Variants in LCORL observed in about 807,000 individuals in gnomAD.
LCORL encodes ligand dependent nuclear receptor corepressor like.
LCORL carries 41 observed loss-of-function variants against 141.8 expected under a neutral mutation model. That is an observed-to-expected ratio of 0.29 (90% confidence interval 0.23 to 0.38). The LOEUF is 0.38. Among genes scored for constraint, LCORL ranks in the 10% least tolerant of loss-of-function variants. The pLI is 1.00. For missense variants in LCORL, 1,759 were observed against 2,035.0 expected (o/e 0.86, Z 2.61); for synonymous variants, 618 against 694.1 (o/e 0.89, Z 1.72).
At chr4:17,848,671 A>G (rs951689964) in intron 7 of LCORL, among the ~76,000 whole-genome samples, 1 of 152,256 alleles carries the variant, frequency 6.6e-6, no homozygotes, top group African/African-American at 2.4e-5. Flanking sequence ...AGTGCCAGAC[A>G]GTGGGCGCAG....
intron 1 of LCORL, among the ~76,000 whole-genome samples, chr4:18,003,347 G>A (rs1172831050): frequency 6.6e-6 from 1 of 152,196 alleles, no homozygotes; most frequent in Non-Finnish European, 1.5e-5. Flanking sequence ...ATGGGTTTAA[G>A]ATATATTTGA....
intron 1 of LCORL, among the ~76,000 whole-genome samples, chr4:18,010,135 A>C (rs1327741536): frequency 6.6e-6 from 1 of 152,226 alleles, no homozygotes; most frequent in East Asian, 1.9e-4. Context: ...CCATGTAAAC[A>C]GTGCTCTATT....
intron 2 of LCORL, among the ~76,000 whole-genome samples, chr4:17,968,886 G>A (rs988504730): frequency 6.6e-6 from 1 of 152,196 alleles, no homozygotes; most frequent in South Asian, 2.1e-4. Context: ...CCCACATGCT[G>A]TAACTTGCAA....
At chr4:17,849,341 A>G (rs1412875559) in intron 7 of LCORL, among the ~76,000 whole-genome samples, 3 of 152,132 alleles carry the variant, frequency 2.0e-5, no homozygotes, top group African/African-American at 4.8e-5. Context: ...CCAGAGGAAC[A>G]ATCAGACAGC....
At chr4:17,995,807 G>A (rs1720828823) in intron 1 of LCORL, among the ~76,000 whole-genome samples, 1 of 152,062 alleles carries the variant, frequency 6.6e-6, no homozygotes, top group Non-Finnish European at 1.5e-5. Flanking sequence ...GCCCTCTCAT[G>A]AAATATAGAA....
At chr4:17,912,177 T>G (rs774812879) in intron 4 of LCORL, 11 of 999,148 alleles carry the variant, frequency 1.1e-5, no homozygotes, top group Non-Finnish European at 1.7e-5. Context: ...CCCGTCTTGC[T>G]GCTGATGACT....
intron 4 of LCORL, among the ~76,000 whole-genome samples, chr4:17,931,512 T>C (rs1736035686): frequency 6.6e-6 from 1 of 152,028 alleles, no homozygotes; most frequent in South Asian, 2.1e-4. Context: ...TATATGTAGT[T>C]TTTTTGTCAT....
intron 4 of LCORL, among the ~76,000 whole-genome samples, chr4:17,948,678 G>T (rs1047952689): frequency 6.6e-6 from 1 of 151,886 alleles, no homozygotes; most frequent in Non-Finnish European, 1.5e-5. Flanking sequence ...TTAAAAGGAG[G>T]CTGAGAATTG....
rs899149359 is a variant in LCORL, at chr4:17,873,292, CTAAT to C, written c.5602+92_5602+95del. 6.0e-5 allele frequency: 48 copies of C among 802,942 alleles called. No individual in the cohort carries two copies. The African/African-American group carries it at 6.9e-4, about 12-fold the overall frequency. 49.7% of individuals were successfully genotyped at this position (802,942 alleles called of 1,614,324 possible). A position where few individuals can be genotyped will look rare whatever the true frequency, so the allele number is the denominator to read the frequency against. On this transcript the variant is annotated intron_variant, in intron 7 of 7. Transcript: ENST00000635767. ...TTAGGTTGTCCAAATATTTTGGAAA[CTAAT>C]TAAAACTGCATCAGCTGTTCCTTTT...
chr4:17,920,540 A>C (rs373751007), intron 4 of LCORL, among the ~76,000 whole-genome samples: 11 of 152,226 alleles, frequency 7.2e-5, no homozygotes, highest in African/African-American at 2.6e-4. Flanking sequence ...GACAACAATG[A>C]AATTTGCCCA....
intron 7 of LCORL, among the ~76,000 whole-genome samples, chr4:17,862,454 T>C (rs113403154): frequency 0.019 from 2,842 of 152,182 alleles, 87 homozygotes; most frequent in African/African-American, 0.062. Flanking sequence ...AAGATGAAAT[T>C]TGAGTGGGGA....
In LCORL at chr4:17,884,157, G is replaced by A. The variant is rs1727972973; in HGVS notation, c.776+1911C>T. 3 of 1,550,288 alleles carry A rather than the reference G, an allele frequency of 1.9e-6. No homozygotes were observed. Among genetic ancestry groups the A allele is most frequent in the Non-Finnish European group, 2.6e-6 (3 of 1,146,214 alleles). ...CATTCTATTTTGTTCTGTTTAGGGAGTATATTTTTCAGTTTTTGGAGAGCT... is the reference window on the plus strand; with the variant it reads ...CATTCTATTTTGTTCTGTTTAGGGAATATATTTTTCAGTTTTTGGAGAGCT... On this transcript the variant is annotated intron_variant, in intron 6 of 7. Transcript: ENST00000635767. This position sits in a 1 kb window ranked among gnomAD's most constrained non-coding sequence, Gnocchi z 4.4.
At chr4:17,958,323 G>A (rs1327550701) in intron 4 of LCORL, among the ~76,000 whole-genome samples, 1 of 151,604 alleles carries the variant, frequency 6.6e-6, no homozygotes, top group Non-Finnish European at 1.5e-5. Context: ...TTTTGATGAA[G>A]GATGACTTTG....
chr4:17,877,546 C>A, exon 7 of LCORL: 1 of 1,230,348 alleles, frequency 8.1e-7, no homozygotes, highest in Non-Finnish European at 1.0e-6. Context: ...CTGATTTCTG[C>A]TGGTGTGAGA....
chr4:17,854,557 G>T lies in LCORL; in HGVS notation c.5603-8656C>A, dbSNP rs1032756530. On this transcript the variant is annotated intron_variant, in intron 7 of 7. Coordinates refer to ENST00000635767, the Ensembl canonical transcript of LCORL. ...CAATCGTTTAATTTTGAGTCCCTGGGCTTAAGGGAGATCAAAATATCTAGC... is the reference window on the plus strand; with the variant it reads ...CAATCGTTTAATTTTGAGTCCCTGGTCTTAAGGGAGATCAAAATATCTAGC... 2.6e-5 allele frequency among the ~76,000 whole-genome samples: 4 copies of T among 152,134 alleles called. No individual in the cohort carries two copies. In the South Asian group the frequency reaches 8.3e-4, roughly 32 times the overall value.
intron 4 of LCORL, among the ~76,000 whole-genome samples, chr4:17,945,722 G>A (rs1376367747): frequency 1.3e-5 from 2 of 151,746 alleles, no homozygotes; most frequent in African/African-American, 2.4e-5. Context: ...AGGAAATAAA[G>A]TTTTAAGAAT....
At chr4:17,967,912 C>A (rs1477619257) in intron 2 of LCORL, among the ~76,000 whole-genome samples, 1 of 151,250 alleles carries the variant, frequency 6.6e-6, no homozygotes, top group Non-Finnish European at 1.5e-5. Flanking sequence ...GGCTGGAGTG[C>A]AGTGACACAA....
intron 6 of LCORL, chr4:17,881,985 A>G: frequency 1.0e-6 from 1 of 981,174 alleles, no homozygotes; most frequent in South Asian, 4.7e-5. Context: ...GGGGTGAAAA[A>G]AAAAAAAAAG....
chr4:17,940,201 T>C (rs905624376), intron 4 of LCORL, among the ~76,000 whole-genome samples: 50 of 147,656 alleles, frequency 3.4e-4, no homozygotes, highest in African/African-American at 1.0e-3. Flanking sequence ...CACACACACA[T>C]ATACAGGTAG....
Sources: allele counts gnomAD v4.1 joint callset (sites outside exome capture counted in the v4.1 genomes callset), GRCh38; gene constraint gnomAD v4.1.1; non-coding constraint Gnocchi (gnomAD v3.1); transcripts MANE v1.5; gene names NCBI Gene and HGNC (gene_info 2026-07-23, HGNC 2026-07-21).